The following DPP10 variants were observed in gnomAD, a reference collection of about 807,000 sequenced individuals.
The protein encoded by DPP10 is inactive dipeptidyl peptidase 10.
In DPP10, 33 loss-of-function variants were observed where a neutral mutation model predicts 120.9. That is an observed-to-expected ratio of 0.27 (90% CI 0.21 to 0.37). The LOEUF is 0.37. Ranked by LOEUF, DPP10 falls within the 10% of genes least tolerant of loss-of-function variation. The pLI, the probability that DPP10 is intolerant of heterozygous loss-of-function variation, is 1.00. For missense variants in DPP10, 816 were observed against 942.8 expected (o/e 0.87, Z 1.76); for synonymous variants, 337 against 326.1 (o/e 1.03, Z -0.36).
At chr2:115,592,777 A>G (rs554200911) in intron 5 of DPP10, among the ~76,000 whole-genome samples, 4 of 151,866 alleles carry the variant, frequency 2.6e-5, no homozygotes, top group African/African-American at 9.6e-5. Flanking sequence ...AGAAAGAAAG[A>G]AAAAAGAAAG....
chr2:114,931,849 G>C (rs1553456657), intron 1 of DPP10, among the ~76,000 whole-genome samples: 1 of 152,198 alleles, frequency 6.6e-6, no homozygotes, highest in Non-Finnish European at 1.5e-5. Flanking sequence ...TAAATTTAAA[G>C]TTCAAATAAA....
At chr2:114,495,302 A>T (rs540182071) in intron 1 of DPP10, among the ~76,000 whole-genome samples, 2 of 152,176 alleles carry the variant, frequency 1.3e-5, no homozygotes, top group Admixed American at 6.5e-5. Flanking sequence ...ACTCTTTAAG[A>T]GTGCCTTTAA....
chr2:115,058,313 C>G (rs1465389749), intron 1 of DPP10, among the ~76,000 whole-genome samples: 1 of 145,368 alleles, frequency 6.9e-6, no homozygotes, highest in South Asian at 2.3e-4. Flanking sequence ...AGGCACACTC[C>G]TAGTTAACAC....
At chr2:115,509,523 A>G (rs2077116709) in intron 4 of DPP10, among the ~76,000 whole-genome samples, 1 of 152,106 alleles carries the variant, frequency 6.6e-6, no homozygotes, top group Non-Finnish European at 1.5e-5. Context: ...ATCAAACAGT[A>G]TTTAGGGTGT....
chr2:114,815,649 A>G (rs1236571049), intron 1 of DPP10, among the ~76,000 whole-genome samples: 2 of 152,174 alleles, frequency 1.3e-5, no homozygotes, highest in Admixed American at 1.3e-4. Context: ...TTCAGTCATC[A>G]CTAAATACGT....
At chr2:115,657,450 T>A (rs1172735037) in intron 5 of DPP10, among the ~76,000 whole-genome samples, 1 of 151,858 alleles carries the variant, frequency 6.6e-6, no homozygotes, top group Non-Finnish European at 1.5e-5. Flanking sequence ...TTTCTCTATT[T>A]CTTCTCTTAA....
At chr2:114,827,336 A>G (rs535518374) in intron 1 of DPP10, among the ~76,000 whole-genome samples, 11 of 152,262 alleles carry the variant, frequency 7.2e-5, no homozygotes, top group Admixed American at 4.6e-4. Context: ...TGATTCAGTC[A>G]ATGTTCCAAT....
intron 1 of DPP10, among the ~76,000 whole-genome samples, chr2:115,277,122 G>A (rs1296982818): frequency 5.3e-5 from 8 of 152,112 alleles, no homozygotes; most frequent in Non-Finnish European, 1.2e-4. Flanking sequence ...GAAAAATCAA[G>A]ATGTACATTA....
At chr2:114,620,228 C>CA (rs1005520497) in intron 1 of DPP10, among the ~76,000 whole-genome samples, 1 of 151,654 alleles carries the variant, frequency 6.6e-6, no homozygotes, top group Non-Finnish European at 1.5e-5. Context: ...ATATATGTTA[C>CA]AAAAAAACTC....
chr2:114,524,961 G>A (rs895456047), intron 1 of DPP10, among the ~76,000 whole-genome samples: 1 of 151,996 alleles, frequency 6.6e-6, no homozygotes, highest in South Asian at 2.1e-4. Flanking sequence ...CCAATCATTG[G>A]TCATTGTCTC....
At chr2:115,138,378 AATTG>A (rs1278462797) in intron 1 of DPP10, among the ~76,000 whole-genome samples, 20 of 152,190 alleles carry the variant, frequency 1.3e-4, no homozygotes, top group African/African-American at 4.3e-4. Context: ...TGGTGTTTAA[AATTG>A]ATTGTGCATT....
chr2:115,798,477 C>A (rs1318259045), intron 19 of DPP10, among the ~76,000 whole-genome samples: 1 of 151,960 alleles, frequency 6.6e-6, no homozygotes, highest in Non-Finnish European at 1.5e-5. Flanking sequence ...ATAATATATT[C>A]TTTCCTTTTG....
chr2:114,996,060 G>A (rs896021560), intron 1 of DPP10, among the ~76,000 whole-genome samples: 1 of 152,166 alleles, frequency 6.6e-6, no homozygotes, highest in African/African-American at 2.4e-5. Context: ...TTTCATTCAA[G>A]CTTTGAAAGA....
At chr2:114,888,160 A>AG (rs1692232672) in intron 1 of DPP10, among the ~76,000 whole-genome samples, 2 of 150,754 alleles carry the variant, frequency 1.3e-5, no homozygotes, top group Non-Finnish European at 3.0e-5. Context: ...AAAAAAAAAA[A>AG]GAAAAGAAAA....
chr2:114,504,800 T>C (rs950538025), intron 1 of DPP10, among the ~76,000 whole-genome samples: 12 of 152,078 alleles, frequency 7.9e-5, no homozygotes, highest in African/African-American at 2.9e-4. Context: ...ATGCCTGTAA[T>C]CCCAGTGCTT....
chr2:115,296,728 T>C (rs2060901122), intron 1 of DPP10, among the ~76,000 whole-genome samples: 1 of 152,134 alleles, frequency 6.6e-6, no homozygotes, highest in Non-Finnish European at 1.5e-5. Flanking sequence ...GTTCTTCTGA[T>C]GTTTAATACA....
intron 1 of DPP10, among the ~76,000 whole-genome samples, chr2:115,198,516 GC>G (rs2055452069): frequency 2.0e-5 from 3 of 152,114 alleles, no homozygotes; most frequent in Admixed American, 2.0e-4. Context: ...ACATGCATTT[GC>G]CTTTGCTGTT....
chr2:115,009,817 C>A (rs567541976), intron 1 of DPP10, among the ~76,000 whole-genome samples: 37 of 151,994 alleles, frequency 2.4e-4, no homozygotes, highest in Non-Finnish European at 5.1e-4. Flanking sequence ...CTAATATGAC[C>A]TTTATACATT....
chr2:114,982,359 C>T (rs1057332166), intron 1 of DPP10, among the ~76,000 whole-genome samples: 1 of 151,958 alleles, frequency 6.6e-6, no homozygotes, highest in Non-Finnish European at 1.5e-5. Flanking sequence ...TTCTTCAACT[C>T]TTCTTTTCCA....
Sources: allele counts gnomAD v4.1 joint callset (sites outside exome capture counted in the v4.1 genomes callset), GRCh38; gene constraint gnomAD v4.1.1; transcripts MANE v1.5; gene names NCBI Gene and HGNC (gene_info 2026-07-23, HGNC 2026-07-21).